The following RBCK1 variants were observed in gnomAD, a reference collection of about 807,000 sequenced individuals.
The protein encoded by RBCK1 is RANBP2-type and C3HC4-type zinc finger containing 1, also known as ranBP-type and C3HC4-type zinc finger-containing protein 1.
A neutral mutation model predicts 71.1 loss-of-function variants in RBCK1; 44 were observed. The observed-to-expected ratio is 0.62, with a 90% CI of 0.49 to 0.80. The LOEUF is 0.80. RBCK1 is among the 30% of genes least tolerant of loss of function. The pLI is 0.00. For missense variants in RBCK1, 569 were observed against 685.0 expected (o/e 0.83, Z 1.89); for synonymous variants, 306 against 279.7 (o/e 1.09, Z -0.94).
rs1014195676 is a variant in RBCK1, at chr20:431,177, G to A, written c.*747G>A. Among the ~76,000 whole-genome samples, 1 of 152,202 alleles carries A rather than the reference G, an allele frequency of 6.6e-6. No homozygotes were observed. The highest frequency in any genetic ancestry group is 1.5e-5 in the Non-Finnish European group (1 of 68,034). ...GGGGCAAGGATGCTCTTGGGTCACC[G>A]TCAGCCAGGACAGGTGGAGTGTGCA... On this transcript the variant is annotated 3_prime_UTR_variant, in exon 12 of 12. Coordinates refer to ENST00000356286, the MANE Select transcript of RBCK1 (RefSeq NM_031229.4). This position sits in a 1 kb window ranked among gnomAD's most constrained non-coding sequence, Gnocchi z 4.8.
rs554956050 is a variant in RBCK1, at chr20:428,608, C to T, written c.1308+19C>T. On this transcript the variant is annotated intron_variant, in intron 10 of 11. Transcript: ENST00000356286. This position sits in a 1 kb window ranked among gnomAD's most constrained non-coding sequence, Gnocchi z 5.7. ...GCTGAAGGTGAGGCTGGGACAGGGC[C>T]GAGGCCTAGGGATTTTAAGTTCTGG... 34 of 1,593,210 alleles carry T rather than the reference C, an allele frequency of 2.1e-5. No homozygotes were observed. In the South Asian group the frequency reaches 3.0e-4, roughly 14 times the overall value.
At position 410,214 on chromosome 20, in the gene RBCK1, T is replaced by C. The variant is rs145482638; in HGVS notation, c.167+189T>C. Among the ~76,000 whole-genome samples the C allele has an allele frequency of 9.5e-4, 144 of 152,308 alleles. No individual in the cohort carries two copies. In the Middle Eastern group the frequency reaches 0.024, roughly 25 times the overall value. On this transcript the variant is annotated intron_variant, in intron 2 of 11. Transcript: ENST00000356286. Reference sequence around the variant, plus strand: ...TCTCAGTGTGTCCTCATTTTAAAAATCAGACCGTAACAGTAGCTATCTCAT... The same window carrying C: ...TCTCAGTGTGTCCTCATTTTAAAAACCAGACCGTAACAGTAGCTATCTCAT...
chr20:408,812 C>T lies in RBCK1; in HGVS notation c.22+33C>T, dbSNP rs3746792. Reference sequence around the variant, plus strand: ...CAGGCTGGAGGTGGCTGGGGAACTTCCGGTGGGAAGTGGGCCCCGCAGGAC... The same window carrying T: ...CAGGCTGGAGGTGGCTGGGGAACTTTCGGTGGGAAGTGGGCCCCGCAGGAC... On this transcript the variant is annotated intron_variant, in intron 1 of 11. Transcript: ENST00000356286. The T allele has an allele frequency of 0.48, 773,415 of 1,598,886 alleles. 189,833 individuals carry two copies. The highest frequency in any genetic ancestry group is 0.51 in the Non-Finnish European group (596,104 of 1,173,176).
intron 8 of RBCK1, among the ~76,000 whole-genome samples, chr20:425,130 C>T (rs2016638327): frequency 6.6e-6 from 1 of 152,114 alleles, no homozygotes; most frequent in Non-Finnish European, 1.5e-5. Context: ...CCTGCCTCAG[C>T]CTCCCAAGTA....
At chr20:424,248 C>T (rs866824875) in intron 8 of RBCK1, among the ~76,000 whole-genome samples, 1 of 152,178 alleles carries the variant, frequency 6.6e-6, no homozygotes, top group Admixed American at 6.5e-5. Flanking sequence ...CAAGTTGTTT[C>T]CCTTCTGTGG....
intron 6 of RBCK1, chr20:420,519 A>C (rs2016325614): frequency 1.1e-5 from 11 of 983,166 alleles, no homozygotes; most frequent in Non-Finnish European, 1.3e-5. Context: ...CTCACCACTC[A>C]GACCCCGGCC....
Position 428,979 on chromosome 20 carries a change from G to A in RBCK1, c.1337G>A (p.Arg446His), listed in dbSNP as rs150032325. Residue 446 changes from arginine (R) to histidine (H), a missense_variant, in exon 11 of 12, where the codon CGC becomes CAC. Transcript: ENST00000356286. This position sits in a 1 kb window ranked among gnomAD's most constrained non-coding sequence, Gnocchi z 5.7. ...KVMLQQGEAM[R>H]CPQCQIVVQK... ...ATGCTGCAGCAGGGCGAGGCCATGC[G>A]CTGCCCCCAGTGCCAGATCGTGGTA... 247 of 1,610,786 alleles carry A rather than the reference G, an allele frequency of 1.5e-4. No individual in the cohort carries two copies. Among genetic ancestry groups the A allele is most frequent in the East Asian group, 6.0e-4 (27 of 44,864 alleles).
chr20:426,536 T>C (rs551698533), intron 8 of RBCK1, among the ~76,000 whole-genome samples: 1 of 152,200 alleles, frequency 6.6e-6, no homozygotes, highest in Admixed American at 6.5e-5. Flanking sequence ...AGGATTGCAT[T>C]CTTTTTTGTG....
rs544056249 is a variant in RBCK1, at chr20:431,485, C to T, written c.*1055C>T. Reference sequence around the variant, plus strand: ...ATGTTCATTCTCTAAGTCTTTCCTCCGCTCTGTGACCCACCCTCCTTCCCC... The same window carrying T: ...ATGTTCATTCTCTAAGTCTTTCCTCTGCTCTGTGACCCACCCTCCTTCCCC... On this transcript the variant is annotated 3_prime_UTR_variant, in exon 12 of 12. Coordinates refer to ENST00000356286, the MANE Select transcript of RBCK1 (RefSeq NM_031229.4). The surrounding 1 kb of genome is among the most constrained non-coding windows in gnomAD (Gnocchi z 4.8). 4.6e-5 allele frequency among the ~76,000 whole-genome samples: 7 copies of T among 152,322 alleles called. No homozygotes were observed. The highest frequency in any genetic ancestry group is 7.2e-5 in the African/African-American group (3 of 41,564).
At position 417,993 on chromosome 20, in the gene RBCK1, G is replaced by A; in HGVS notation, c.460+63G>A. 1 of 1,480,362 alleles carries A rather than the reference G, an allele frequency of 6.8e-7. No individual in the cohort carries two copies. The highest frequency in any genetic ancestry group is 9.0e-7 in the Non-Finnish European group (1 of 1,105,136). 91.7% of individuals were successfully genotyped at this position (1,480,362 alleles called of 1,614,324 possible). ...GGCCCTGGACTCACTTGAGGGCATA[G>A]GGCAAGCAGGGGCAGAGCCCCTGGG... On this transcript the variant is annotated intron_variant, in intron 4 of 11. Transcript: ENST00000356286. This position sits in a 1 kb window ranked among gnomAD's most constrained non-coding sequence, Gnocchi z 4.7.
In RBCK1 at chr20:409,901, C is replaced by T; in HGVS notation, c.43C>T (p.Leu15Phe). ...TKKAEEMALS[L>F]TRAVAGGDEQ... ...TTCAGCAGAGGAAATGGCCCTGAGC[C>T]TCACCCGAGCAGTGGCGGGCGGGGA... Residue 15 changes from leucine to phenylalanine, a missense_variant, in exon 2 of 12, where the codon CTC becomes TTC. This residue lies in a region of RBCK1 where 358 missense variants were observed against 375.6 expected (regional missense o/e 0.95). Transcript: ENST00000356286. 1 of 1,614,054 alleles carries T rather than the reference C, an allele frequency of 6.2e-7. No homozygotes were observed. The highest frequency in any genetic ancestry group is 8.5e-7 in the Non-Finnish European group (1 of 1,179,986).
At chr20:420,617 C>G in intron 6 of RBCK1, 2 of 952,240 alleles carry the variant, frequency 2.1e-6, no homozygotes, top group Non-Finnish European at 2.4e-6. Flanking sequence ...TTCCCCACCT[C>G]CACCTGGCCT....
intron 8 of RBCK1, among the ~76,000 whole-genome samples, chr20:424,685 C>T (rs528886138): frequency 1.1e-4 from 16 of 152,186 alleles, no homozygotes; most frequent in Non-Finnish European, 1.9e-4. Context: ...TCCCCAGCAC[C>T]CATAGCCATT....
chr20:410,646 A>G, intron 2 of RBCK1: 1 of 742,120 alleles, frequency 1.3e-6, no homozygotes, highest in South Asian at 1.4e-5. Flanking sequence ...TGGTAAGGGA[A>G]GGGAAGAGAA....
chr20:429,319 C>G (rs901907760), intron 11 of RBCK1, among the ~76,000 whole-genome samples: 1 of 151,992 alleles, frequency 6.6e-6, no homozygotes, highest in Non-Finnish European at 1.5e-5. Flanking sequence ...CTCTGCCTTC[C>G]GGGTTCAAGC....
Position 419,707 on chromosome 20 carries a change from G to A in RBCK1, c.732G>A (p.Glu244=). The change falls in exon 6 of 12, where the codon GAG becomes GAA. Residue 244 remains glutamate, a synonymous_variant. Coordinates refer to ENST00000356286, the MANE Select transcript of RBCK1 (RefSeq NM_031229.4). ...EEERARLAGE[E]EALRQYQQRK... ...AGCGAGCGCGCCTGGCGGGCGAGGA[G>A]GAGGCGCTGCGTCAGTACCAGCAGG... 6.4e-7 allele frequency: 1 copy of A among 1,566,716 alleles called. No individual in the cohort carries two copies. Among genetic ancestry groups the A allele is most frequent in the South Asian group, 1.2e-5 (1 of 85,992 alleles).
Position 428,647 on chromosome 20 carries a change from G to C in RBCK1, c.1308+58G>C. 6.6e-7 allele frequency: 1 copy of C among 1,512,008 alleles called. No individual in the cohort carries two copies. The highest frequency in any genetic ancestry group is 1.3e-5 in the South Asian group (1 of 78,998). The allele number at this position is 1,512,008 out of a possible 1,614,324, so 93.7% of individuals were successfully genotyped here. On this transcript the variant is annotated intron_variant, in intron 10 of 11. Coordinates refer to ENST00000356286, the MANE Select transcript of RBCK1 (RefSeq NM_031229.4). This position sits in a 1 kb window ranked among gnomAD's most constrained non-coding sequence, Gnocchi z 5.7. Reference sequence around the variant, plus strand: ...TTTAAGTTCTGGGATCCAGGTGGGGGCTGGGGGCTTCCCAGTAAGGGCTGT... The same window carrying C: ...TTTAAGTTCTGGGATCCAGGTGGGGCCTGGGGGCTTCCCAGTAAGGGCTGT...
chr20:418,642 A>C (rs900945672), intron 4 of RBCK1, among the ~76,000 whole-genome samples: 10 of 152,360 alleles, frequency 6.6e-5, no homozygotes, highest in South Asian at 4.1e-4. Context: ...TGCTGGGATT[A>C]CAGGCGTGAG....
intron 6 of RBCK1, chr20:420,384 G>T (rs930136382): frequency 2.5e-5 from 25 of 984,394 alleles, no homozygotes; most frequent in Non-Finnish European, 2.9e-5. Flanking sequence ...ATTCCCCTTG[G>T]ACCCGGTGCT....
Sources: allele counts gnomAD v4.1 joint callset (sites outside exome capture counted in the v4.1 genomes callset), GRCh38; gene constraint gnomAD v4.1.1; regional missense constraint gnomAD v4.1.1; non-coding constraint Gnocchi (gnomAD v3.1); transcripts MANE v1.5; gene names NCBI Gene and HGNC (gene_info 2026-07-23, HGNC 2026-07-21).